CD2AP: variants seen among roughly 807,000 people sequenced by gnomAD.
CD2AP encodes CD2-associated protein.
In CD2AP, 46 loss-of-function variants were observed where a neutral mutation model predicts 85.1. The observed-to-expected ratio is 0.54, with a 90% confidence interval of 0.43 to 0.69. The LOEUF (loss-of-function observed/expected upper bound fraction) is 0.69, where lower values mean the gene tolerates loss of function less well. Ranked by LOEUF, CD2AP falls within the 30% of genes least tolerant of loss-of-function variation. The pLI is 0.00. For missense variants in CD2AP, 769 were observed against 729.5 expected, an observed-to-expected ratio of 1.05 and a Z score of -0.62; for synonymous variants, 255 against 252.9, an observed-to-expected ratio of 1.01 and a Z score of -0.08.
At chr6:47,602,798 G>A (rs1439066776) in intron 13 of CD2AP, among the ~76,000 whole-genome samples, 1 of 151,772 alleles carries the variant, frequency 6.6e-6, no homozygotes, top group Non-Finnish European at 1.5e-5. Context: ...AGGGAGGGAG[G>A]CTGAGGTGAG....
At chr6:47,519,027 A>ACT (rs1474973237) in intron 2 of CD2AP, among the ~76,000 whole-genome samples, 12 of 152,162 alleles carry the variant, frequency 7.9e-5, no homozygotes, top group African/African-American at 2.9e-4. Flanking sequence ...TCAGATATTT[A>ACT]CTGAGGTTCC....
At chr6:47,554,982 C>T (rs1376613903) in intron 5 of CD2AP, among the ~76,000 whole-genome samples, 1 of 152,044 alleles carries the variant, frequency 6.6e-6, no homozygotes, top group Non-Finnish European at 1.5e-5. Context: ...TCTGCTTTAA[C>T]CTTAGGTAAA....
At position 47,492,592 on chromosome 6, in the gene CD2AP, C is replaced by T. The variant is rs142806324; in HGVS notation, c.5-10688C>T. Among the ~76,000 whole-genome samples, 551 of 152,110 alleles carry T rather than the reference C, an allele frequency of 3.6e-3. 3 individuals are homozygous for T. The highest frequency in any genetic ancestry group is 0.013 in the African/African-American group (520 of 41,542). On this transcript the variant is annotated intron_variant, in intron 1 of 17. Coordinates refer to ENST00000359314, the MANE Select transcript of CD2AP (RefSeq NM_012120.3). Reference sequence around the variant, plus strand: ...AACTCCTGGCCTCAGGTTATCCTCCCGCCTGGGATTACAGGTGTGAGCTAC... The same window carrying T: ...AACTCCTGGCCTCAGGTTATCCTCCTGCCTGGGATTACAGGTGTGAGCTAC...
chr6:47,527,398 A>G (rs9395272), intron 2 of CD2AP, among the ~76,000 whole-genome samples: 46,935 of 152,134 alleles, frequency 0.31, 8,476 homozygotes, highest in Middle Eastern at 0.51. Context: ...AGTGATTCCA[A>G]TAGGAGCAAA....
intron 5 of CD2AP, among the ~76,000 whole-genome samples, chr6:47,569,160 G>GT (rs1335122488): frequency 6.6e-6 from 1 of 152,122 alleles, no homozygotes; most frequent in African/African-American, 2.4e-5. Flanking sequence ...TTCAAGATTT[G>GT]TTTTGTTCTT....
Position 47,481,706 on chromosome 6 carries a change from T to C in CD2AP, c.4+3458T>C, listed in dbSNP as rs1375810469. Reference sequence around the variant, plus strand: ...TTAGATGATATATGCACTTCTATAATAGAGTGATTTCTTTATGTTACTTTG... The same window carrying C: ...TTAGATGATATATGCACTTCTATAACAGAGTGATTTCTTTATGTTACTTTG... On this transcript the variant is annotated intron_variant, in intron 1 of 17. Transcript: ENST00000359314. Among the ~76,000 whole-genome samples, 6 of 152,180 alleles carry C rather than the reference T, an allele frequency of 3.9e-5. No individual in the cohort carries two copies. In the East Asian group the frequency reaches 1.2e-3, roughly 29 times the overall value.
At chr6:47,507,567 C>T (rs915330327) in intron 2 of CD2AP, among the ~76,000 whole-genome samples, 4 of 152,072 alleles carry the variant, frequency 2.6e-5, no homozygotes, top group African/African-American at 9.7e-5. Flanking sequence ...AGCGATTCTC[C>T]TTGCCTCCCC....
intron 5 of CD2AP, among the ~76,000 whole-genome samples, chr6:47,568,220 T>C (rs1768056096): frequency 6.6e-6 from 1 of 152,214 alleles, no homozygotes; most frequent in African/African-American, 2.4e-5. Flanking sequence ...ATATTGAAAA[T>C]AGGCAGTACT....
chr6:47,600,974 A>G (rs1418193500), intron 13 of CD2AP, among the ~76,000 whole-genome samples: 4 of 151,894 alleles, frequency 2.6e-5, no homozygotes, highest in Admixed American at 6.6e-5. Context: ...AAGGAGTAAA[A>G]TCTGGAATCC....
chr6:47,568,626 C>T (rs1232910660), intron 5 of CD2AP, among the ~76,000 whole-genome samples: 1 of 152,118 alleles, frequency 6.6e-6, no homozygotes, highest in Non-Finnish European at 1.5e-5. Flanking sequence ...CACCTGTAAT[C>T]GCAGCTACTT....
intron 17 of CD2AP, among the ~76,000 whole-genome samples, chr6:47,616,619 A>G (rs575347446): frequency 6.6e-6 from 1 of 152,258 alleles, no homozygotes; most frequent in East Asian, 1.9e-4. Context: ...GACTTTTTCC[A>G]TTATTCAGAA....
chr6:47,609,366 A>G, intron 16 of CD2AP, 62 bp downstream of exon 16: 1 of 1,324,926 alleles, frequency 7.5e-7, no homozygotes. Context: ...AATTTTTTTC[A>G]AACCATATTA....
intron 5 of CD2AP, among the ~76,000 whole-genome samples, chr6:47,570,276 A>G (rs1027867869): frequency 3.9e-5 from 6 of 152,212 alleles, no homozygotes; most frequent in South Asian, 4.2e-4. Context: ...AGCTTTTGCT[A>G]TAGAGATTTA....
intron 3 of CD2AP, among the ~76,000 whole-genome samples, chr6:47,537,770 C>T (rs141166696): frequency 8.1e-4 from 123 of 151,560 alleles, no homozygotes; most frequent in African/African-American, 2.7e-3. Context: ...CTAAGCATTA[C>T]GATTTTTTTA....
chr6:47,503,472 G>A, intron 2 of CD2AP, 32 bp downstream of exon 2: 1 of 1,558,568 alleles, frequency 6.4e-7, no homozygotes, highest in Non-Finnish European at 8.9e-7. Flanking sequence ...TCTAGCTCTT[G>A]CTTCATAGGA....
Position 47,505,695 on chromosome 6 carries a change from C to T in CD2AP, c.165+2255C>T, listed in dbSNP as rs1470898015. Among the ~76,000 whole-genome samples the T allele has an allele frequency of 2.0e-4, 14 of 71,330 alleles. No individual in the cohort carries two copies. The South Asian group carries it at 2.9e-3, about 15-fold the overall frequency. 46.8% of individuals were successfully genotyped at this position (71,330 alleles called of 152,430 possible). A position where few individuals can be genotyped will look rare whatever the true frequency, so the allele number is the denominator to read the frequency against. ...GGGGCTGACCCCCCCATCTCCCTCCCGGACGGGGTGGCTGGCCGGGCTGAG... is the reference window on the plus strand; with the variant it reads ...GGGGCTGACCCCCCCATCTCCCTCCTGGACGGGGTGGCTGGCCGGGCTGAG... On this transcript the variant is annotated intron_variant, in intron 2 of 17. Transcript: ENST00000359314.
In CD2AP at chr6:47,609,166, A is replaced by C; in HGVS notation, c.1676A>C (p.Asn559Thr). Residue 559 changes from asparagine (N) to threonine (T), a missense_variant, in exon 16 of 18, where the codon AAT becomes ACT. Coordinates refer to ENST00000359314, the MANE Select transcript of CD2AP (RefSeq NM_012120.3). ...LSTPSSASKA[N>T]TTAFLTPLEI... The stretch of plus-strand genomic sequence containing the variant: ...ACACCTTCCAGTGCTTCTAAAGCAA[A>C]TACAACTGCTTTCCTGACTCCATTA... 1 of 1,613,428 alleles carries C rather than the reference A, an allele frequency of 6.2e-7. No homozygotes were observed. The highest frequency in any genetic ancestry group is 2.2e-5 in the East Asian group (1 of 44,830).
intron 6 of CD2AP, among the ~76,000 whole-genome samples, chr6:47,574,686 CT>C (rs1768254719): frequency 6.6e-6 from 1 of 151,616 alleles, no homozygotes; most frequent in South Asian, 2.1e-4. Flanking sequence ...TTTGGCACTA[CT>C]TAAATTTCCT....
intron 3 of CD2AP, among the ~76,000 whole-genome samples, chr6:47,535,348 C>G (rs1767008564): frequency 6.6e-6 from 1 of 152,120 alleles, no homozygotes; most frequent in South Asian, 2.1e-4. Flanking sequence ...ACAAAATATT[C>G]TACAATAAAG....
Sources: gnomAD v4.1 joint callset for allele counts (sites outside exome capture counted in the v4.1 genomes callset) on GRCh38, gnomAD v4.1.1 for gene constraint, MANE v1.5 for transcripts, NCBI Gene and HGNC (gene_info 2026-07-23, HGNC 2026-07-21) for gene names.